The following CD36 variants were observed in gnomAD, a reference collection of about 807,000 sequenced individuals.
The protein encoded by CD36 is platelet glycoprotein 4.
In CD36, 119 loss-of-function variants were observed where a neutral mutation model predicts 55.2. The ratio of observed to expected loss-of-function variants is 2.15; its 90% CI spans 1.86 to 2.51. The LOEUF is 2.51. Ranked by LOEUF, CD36 falls within the 30% of genes most tolerant of loss-of-function variation. The probability of loss-of-function intolerance (pLI) is 0.00; values close to 1 mark genes in which losing one functional copy is unlikely to be tolerated. For synonymous variants in CD36, 186 were observed against 193.6 expected, an observed-to-expected ratio of 0.96 and a Z score of 0.33; for missense variants, 819 against 555.5, an observed-to-expected ratio of 1.47 and a Z score of -4.77.
At chr7:80,650,940 A>C (rs897638855) in intron 3 of CD36, among the ~76,000 whole-genome samples, 6 of 151,766 alleles carry the variant, frequency 4.0e-5, no homozygotes, top group African/African-American at 1.5e-4. Flanking sequence ...AAAAAAAAAA[A>C]AAACTAAAAA....
chr7:80,673,409 GGTTT>G lies in CD36; in HGVS notation c.1254+3_1254+6del, dbSNP rs1562827220. ...TTGTGCCTATTCTTTGGCTTAATGAGGTTTGTATTTGCAGCTGTTAGTCATTAAA... is the reference window on the plus strand; with the variant it reads ...TTGTGCCTATTCTTTGGCTTAATGAGGTATTTGCAGCTGTTAGTCATTAAA... On this transcript the variant is annotated splice_donor_variant and splice_donor_region_variant and intron_variant, in intron 13 of 14. Transcript: ENST00000447544. LOFTEE classifies it high-confidence loss of function. The G allele has an allele frequency of 1.3e-6, 2 of 1,560,080 alleles. No individual in the cohort carries two copies. Among genetic ancestry groups the G allele is most frequent in the South Asian group, 2.2e-5 (2 of 89,898 alleles).
At chr7:80,635,745 A>G (rs1794357988), upstream of CD36, among the ~76,000 whole-genome samples, 5 of 152,220 alleles carry the variant, frequency 3.3e-5, no homozygotes, top group Middle Eastern at 3.4e-3. Flanking sequence ...CCAAATTCAG[A>G]CTCGGATTCC....
At chr7:80,617,925 A>G (rs1232093389) in intron 1 of CD36, among the ~76,000 whole-genome samples, 1 of 152,176 alleles carries the variant, frequency 6.6e-6, no homozygotes, top group Non-Finnish European at 1.5e-5. Context: ...GCCTAAATTC[A>G]TTGGAAAAAT....
intron 6 of CD36, among the ~76,000 whole-genome samples, chr7:80,663,764 A>T (rs1796748368): frequency 6.6e-6 from 1 of 152,182 alleles, no homozygotes; most frequent in African/African-American, 2.4e-5. Flanking sequence ...TTGAATTACA[A>T]ATAGGATAAG....
intron 1 of CD36, among the ~76,000 whole-genome samples, chr7:80,610,638 G>T (rs1415974433): frequency 6.6e-6 from 1 of 152,108 alleles, no homozygotes; most frequent in African/African-American, 2.4e-5. Flanking sequence ...GCGGTGGCGT[G>T]ATCTCGGCTC....
chr7:80,634,400 C>CT (rs1794264142), upstream of CD36, among the ~76,000 whole-genome samples: 1 of 151,996 alleles, frequency 6.6e-6, no homozygotes, highest in Non-Finnish European at 1.5e-5. Context: ...GCTTAGTTTT[C>CT]TTTTAAATGG....
At chr7:80,639,374 A>G (rs1442963851) in intron 1 of CD36, among the ~76,000 whole-genome samples, 1 of 152,000 alleles carries the variant, frequency 6.6e-6, no homozygotes, top group Non-Finnish European at 1.5e-5. Flanking sequence ...CTTTTAAATA[A>G]TCTGAAATTT....
Position 80,677,749 on chromosome 7 carries a change from G to A in CD36, c.*1366G>A, listed in dbSNP as rs1435152375. 4 of 152,068 alleles carry A rather than the reference G, an allele frequency of 2.6e-5. No homozygotes were observed. Among genetic ancestry groups the A allele is most frequent in the Admixed American group, 1.3e-4 (2 of 15,254 alleles). The allele number at this position is 152,068 out of a possible 1,614,324, so 9.4% of individuals were successfully genotyped here. A position where few individuals can be genotyped will look rare whatever the true frequency, so the allele number is the denominator to read the frequency against. On this transcript the variant is annotated 3_prime_UTR_variant, in exon 15 of 15. Coordinates refer to ENST00000447544, the MANE Select transcript of CD36 (RefSeq NM_001001548.3). ...GTTTTTTAATCATTGAGGCATGTAG[G>A]GCTGAGTTATATAATGTAGAAACTT...
At chr7:80,625,109 T>C (rs919942198) in intron 1 of CD36, 2 of 152,160 alleles carry the variant, frequency 1.3e-5, no homozygotes, top group Non-Finnish European at 2.9e-5. Flanking sequence ...ATAGGATATA[T>C]GAAGTAGTGT....
chr7:80,673,828 T>TTCTTGACTTGCAAAAGGAATTCCA, intron 13 of CD36, 155 bp from the exon 14 acceptor site: 2 of 678,014 alleles, frequency 2.9e-6, no homozygotes, highest in East Asian at 5.5e-5. Flanking sequence ...TTAATTGCCT[T>TTCTTGACTTGCAAAAGGAATTCCA]TCTTGACTTG....
chr7:80,614,237 G>A (rs954043290), intron 1 of CD36, among the ~76,000 whole-genome samples: 25 of 152,188 alleles, frequency 1.6e-4, no homozygotes, highest in African/African-American at 5.5e-4. Context: ...GAGCACATCC[G>A]TATTGTGGAG....
chr7:80,674,023 G>C lies in CD36; in HGVS notation c.1295G>C (p.Ser432Thr), dbSNP rs1798004905. The change falls in exon 14 of 15, where the codon AGT becomes ACT. Residue 432 changes from serine to threonine, a missense_variant. Ser to Thr is a moderately conservative substitution (Grantham distance 58). Transcript: ENST00000447544. ...IGDEKANMFR[S>T]QVTGKINLLG... ...GATGAGAAGGCAAACATGTTCAGAA[G>C]TCAAGTAACTGGAAAAATAAACCTC... 1.2e-6 allele frequency: 2 copies of C among 1,612,224 alleles called. No individual in the cohort carries two copies. Among genetic ancestry groups the C allele is most frequent in the Non-Finnish European group, 1.7e-6 (2 of 1,178,884 alleles).
Position 80,674,818 on chromosome 7 carries a change from C to G in CD36, c.*671C>G, listed in dbSNP as rs145613319. Among the ~76,000 whole-genome samples the G allele has an allele frequency of 4.8e-3, 725 of 152,086 alleles. 7 individuals are homozygous for G. The highest frequency in any genetic ancestry group is 0.017 in the African/African-American group (686 of 41,516). On this transcript the variant is annotated intron_variant, in intron 14 of 14. Coordinates refer to ENST00000447544, the MANE Select transcript of CD36 (RefSeq NM_001001548.3). ...CTCCCTATTTTTCTTCAGCCCACCT[C>G]AAGGCAATGTAAATAAAAGCAGTAT...
At chr7:80,666,280 G>T in intron 7 of CD36, 163 bp from the exon 8 acceptor site, 2 of 626,100 alleles carry the variant, frequency 3.2e-6, no homozygotes, top group South Asian at 1.9e-5. Flanking sequence ...AAGATAAAAG[G>T]TTCAAACAAA....
intron 12 of CD36, 68 bp from the exon 13 acceptor site, chr7:80,673,287 T>A: frequency 1.4e-6 from 1 of 733,002 alleles, no homozygotes; most frequent in Non-Finnish European, 2.3e-6. Context: ...TATGAACATT[T>A]ATTTTAAAGT....
intron 8 of CD36, among the ~76,000 whole-genome samples, chr7:80,668,154 G>A (rs1225471154): frequency 2.0e-5 from 3 of 152,168 alleles, no homozygotes; most frequent in Non-Finnish European, 4.4e-5. Context: ...AATGCTAGTA[G>A]TTGTATAAGC....
Position 80,627,592 on chromosome 7 carries a change from T to C in CD36, c.-183-18496T>C, listed in dbSNP as rs78898202. Among the ~76,000 whole-genome samples, 1,418 of 152,010 alleles carry C rather than the reference T, an allele frequency of 9.3e-3. 61 individuals carry two copies. In the East Asian group the frequency reaches 0.11, roughly 11 times the overall value. On this transcript the variant is annotated intron_variant, in intron 1 of 13. Coordinates refer to the CD36 transcript ENST00000309881. Reference sequence around the variant, plus strand: ...TCATGTGTGTTAGCCTTTAAGGAGATAGTAGATTGGCATGTAAAAAAAAAT... The same window carrying C: ...TCATGTGTGTTAGCCTTTAAGGAGACAGTAGATTGGCATGTAAAAAAAAAT...
In CD36 at chr7:80,645,003, CTG is replaced by C. The variant is rs367560543; in HGVS notation, c.-183-1083_-183-1082del. 9.0e-5 allele frequency among the ~76,000 whole-genome samples: 13 copies of C among 145,168 alleles called. No homozygotes were observed. The South Asian group carries it at 3.0e-3, about 33-fold the overall frequency. The stretch of plus-strand genomic sequence containing the variant: ...CAGTAGGATCCACTCATTTCACAAA[CTG>C]TATTCTTTCTTCCAATCTTTTTTTT... On this transcript the variant is annotated intron_variant, in intron 1 of 14. Transcript: ENST00000447544.
At chr7:80,646,909 TTC>T (rs778756238) in intron 3 of CD36, 49 bp downstream of exon 3, 4 of 1,604,980 alleles carry the variant, frequency 2.5e-6, no homozygotes, top group South Asian at 1.1e-5. Flanking sequence ...TGATTCTAAC[TTC>T]TCTTTTTTTG....
Sources: allele counts gnomAD v4.1 joint callset (sites outside exome capture counted in the v4.1 genomes callset), GRCh38; gene constraint gnomAD v4.1.1; transcripts MANE v1.5; gene names NCBI Gene and HGNC (gene_info 2026-07-23, HGNC 2026-07-21).